Variants in COL4A6 observed in about 807,000 individuals in gnomAD.
COL4A6 encodes collagen alpha-6(IV) chain.
COL4A6 carries 59 observed loss-of-function variants against 126.7 expected under a neutral mutation model. The observed-to-expected ratio is 0.47, with a 90% CI of 0.38 to 0.58. The LOEUF (loss-of-function observed/expected upper bound fraction) is 0.58, where lower values mean the gene tolerates loss of function less well. COL4A6 is among the 20% of genes least tolerant of loss of function. The probability of loss-of-function intolerance (pLI) is 0.00; values close to 1 mark genes in which losing one functional copy is unlikely to be tolerated. For synonymous variants in COL4A6, 547 were observed against 496.6 expected (o/e 1.10, Z -1.35); for missense variants, 1,285 against 1,337.3 (o/e 0.96, Z 0.61).
chrX:108,266,404 C>A lies in COL4A6; in HGVS notation c.144+44344G>T, dbSNP rs765994979. Among the ~76,000 whole-genome samples, 23 of 111,375 alleles carry A rather than the reference C, an allele frequency of 2.1e-4. No individual in the cohort carries two copies. In the South Asian group the frequency reaches 5.3e-3, roughly 26 times the overall value. On this transcript the variant is annotated intron_variant, in intron 3 of 44. Transcript: ENST00000334504. ...TTCTGTTTTACAAAAGATCAAAAAACCCCCAAACACTGCAGGTGTTCCTCA... is the reference window on the plus strand; with the variant it reads ...TTCTGTTTTACAAAAGATCAAAAAAACCCCAAACACTGCAGGTGTTCCTCA...
chrX:108,159,324 A>C (rs1021693133), intron 44 of COL4A6, 138 bp downstream of exon 44: 27 of 753,136 alleles, frequency 3.6e-5, no homozygotes, highest in Non-Finnish European at 4.8e-5. Flanking sequence ...TGGGTTCTCC[A>C]TTCTTTAGCC....
chrX:108,334,705 T>A (rs924155969), intron 2 of COL4A6, among the ~76,000 whole-genome samples: 1 of 111,307 alleles, frequency 9.0e-6, no homozygotes, highest in Non-Finnish European at 1.9e-5. Context: ...TTAAAGTAAG[T>A]GTGTGGTATA....
chrX:108,167,657 A>C (rs1569326082), intron 37 of COL4A6, among the ~76,000 whole-genome samples: 1 of 111,563 alleles, frequency 9.0e-6, no homozygotes, highest in Non-Finnish European at 1.9e-5. Flanking sequence ...TTTTCTTAGG[A>C]GTAAATCATC....
intron 3 of COL4A6, among the ~76,000 whole-genome samples, chrX:108,226,217 C>G (rs1231051812): frequency 8.9e-6 from 1 of 112,416 alleles, no homozygotes; most frequent in Non-Finnish European, 1.9e-5. Context: ...TATAAAACAC[C>G]TGGCAGATAG....
At chrX:108,361,424 A>T (rs149112828) in intron 2 of COL4A6, among the ~76,000 whole-genome samples, 1,126 of 111,936 alleles carry the variant, frequency 0.01, 25 homozygotes, top group African/African-American at 0.034. Context: ...TTATCATAAC[A>T]ATAACAAATA....
At chrX:108,226,286 T>C (rs749214066) in intron 3 of COL4A6, among the ~76,000 whole-genome samples, 34 of 112,414 alleles carry the variant, frequency 3.0e-4, no homozygotes, top group African/African-American at 3.6e-4. Flanking sequence ...ATGGAGAGTT[T>C]AGGATTGGGC....
At chrX:108,325,168 T>C (rs923724905) in intron 2 of COL4A6, among the ~76,000 whole-genome samples, 1 of 112,020 alleles carries the variant, frequency 8.9e-6, no homozygotes, top group African/African-American at 3.2e-5. Context: ...AAGCACTGCA[T>C]GTCATAAGCA....
intron 3 of COL4A6, among the ~76,000 whole-genome samples, chrX:108,265,634 G>A (rs183363723): frequency 1.0e-3 from 115 of 110,725 alleles, no homozygotes; most frequent in African/African-American, 3.4e-3. Flanking sequence ...AGAGGTGGGA[G>A]TGGACAAAGA....
intron 2 of COL4A6, among the ~76,000 whole-genome samples, chrX:108,327,325 C>G (rs2039179280): frequency 9.3e-6 from 1 of 107,364 alleles, no homozygotes; most frequent in Non-Finnish European, 1.9e-5. Flanking sequence ...ACACCTCCCA[C>G]CCCGGCCCCT....
chrX:108,343,159 ATATATAGTGT>A (rs775190456), intron 2 of COL4A6, among the ~76,000 whole-genome samples: 1,653 of 68,655 alleles, frequency 0.024, 27 homozygotes, highest in Middle Eastern at 0.077. Context: ...ATATATATAT[ATATATAGTGT>A]GTGTGTGTGT....
chrX:108,215,756 T>G (rs1361551783), intron 5 of COL4A6, among the ~76,000 whole-genome samples: 1 of 111,615 alleles, frequency 9.0e-6, no homozygotes. Context: ...CTCAGAGGAC[T>G]CCAGTAATTA....
At chrX:108,202,872 A>G (rs1361346351) in intron 13 of COL4A6, 56 bp downstream of exon 13, 3 of 1,011,556 alleles carry the variant, frequency 3.0e-6, no homozygotes, top group Non-Finnish European at 4.2e-6. Flanking sequence ...TTCTATTGCT[A>G]CAGCTTTTGT....
At chrX:108,396,682 C>T (rs1310480883) in intron 2 of COL4A6, among the ~76,000 whole-genome samples, 5 of 111,554 alleles carry the variant, frequency 4.5e-5, no homozygotes, top group African/African-American at 6.5e-5. Flanking sequence ...TCAAAAGTAA[C>T]GCAAGTCATG....
chrX:108,174,864 G>A (rs1275897796), intron 30 of COL4A6, among the ~76,000 whole-genome samples: 3 of 111,353 alleles, frequency 2.7e-5, no homozygotes, highest in Non-Finnish European at 3.8e-5. Flanking sequence ...GCCTGTGGTT[G>A]AAAACCTCAG....
chrX:108,430,389 A>C (rs953619524), intron 2 of COL4A6, among the ~76,000 whole-genome samples: 4 of 112,105 alleles, frequency 3.6e-5, no homozygotes, highest in Non-Finnish European at 7.5e-5. Context: ...GAGGCTAGAA[A>C]AGCAGTTGGG....
intron 3 of COL4A6, among the ~76,000 whole-genome samples, chrX:108,231,349 T>C (rs2036299548): frequency 8.9e-6 from 1 of 112,560 alleles, no homozygotes; most frequent in African/African-American, 3.2e-5. Flanking sequence ...TTGAAATTTT[T>C]TGGAAGACAT....
chrX:108,193,671 T>A lies in COL4A6; in HGVS notation c.1029A>T (p.Pro343=), dbSNP rs1218110535. ...IEGQKGDIGL[P]GPDVFIDIDG... is the part of the protein sequence containing the mutation. The stretch of plus-strand genomic sequence containing the variant: ...CTATATCGATGAAAACATCTGGGCC[T>A]GGCAGGCCAATGTCACCCTTTTGAC... Residue 343 remains proline (P), a synonymous_variant, in exon 17 of 45, where the codon CCA becomes CCT. Transcript: ENST00000334504. 1 of 1,207,678 alleles carries A rather than the reference T, an allele frequency of 8.3e-7. No individual in the cohort carries two copies. The highest frequency in any genetic ancestry group is 3.0e-5 in the East Asian group (1 of 33,788).
At chrX:108,297,843 G>T (rs762272963) in intron 3 of COL4A6, among the ~76,000 whole-genome samples, 5 of 109,697 alleles carry the variant, frequency 4.6e-5, no homozygotes, top group African/African-American at 1.7e-4. Flanking sequence ...GCTCAGGCTT[G>T]CATGCAGTCC....
intron 2 of COL4A6, among the ~76,000 whole-genome samples, chrX:108,319,012 A>T (rs2038954367): frequency 8.9e-6 from 1 of 112,655 alleles, no homozygotes. Flanking sequence ...GGAAAACCTA[A>T]CAACATGGAG....
Sources: allele counts gnomAD v4.1 joint callset (sites outside exome capture counted in the v4.1 genomes callset), GRCh38; gene constraint gnomAD v4.1.1; transcripts MANE v1.5; gene names NCBI Gene and HGNC (gene_info 2026-07-23, HGNC 2026-07-21).